URM1: variants seen among roughly 807,000 people sequenced by gnomAD.
URM1 encodes the protein ubiquitin-related modifier 1.
URM1 carries 11 observed loss-of-function variants against 17.7 expected under a neutral mutation model. That is an observed-to-expected ratio of 0.62 (90% CI 0.39 to 1.03). The LOEUF (loss-of-function observed/expected upper bound fraction) is 1.03. Ranked by LOEUF, URM1 falls within the 50% of genes least tolerant of loss-of-function variation. The pLI, the probability that URM1 is intolerant of heterozygous loss-of-function variation, is 0.00. For synonymous variants in URM1, 48 were observed against 50.6 expected, an observed-to-expected ratio of 0.95 and a Z score of 0.22; for missense variants, 128 against 129.2, an observed-to-expected ratio of 0.99 and a Z score of 0.04.
intron 1 of URM1, among the ~76,000 whole-genome samples, chr9:128,373,313 G>T (rs1833036672): frequency 6.6e-6 from 1 of 152,082 alleles, no homozygotes; most frequent in Non-Finnish European, 1.5e-5. Context: ...GTTGATGCAC[G>T]TTTTTGCCCT....
At chr9:128,386,222 T>C (rs1350348522) in intron 2 of URM1, among the ~76,000 whole-genome samples, 1 of 151,984 alleles carries the variant, frequency 6.6e-6, no homozygotes, top group Non-Finnish European at 1.5e-5. Flanking sequence ...CCCCGGTGGC[T>C]CTATCGAGCA....
At chr9:128,378,219 T>C in intron 2 of URM1, 113 bp downstream of exon 2, 1 of 721,654 alleles carries the variant, frequency 1.4e-6, no homozygotes, top group South Asian at 2.0e-5. Flanking sequence ...CTAAGCTGCC[T>C]CTCTAGCAGG....
At chr9:128,386,567 C>T (rs985696421) in intron 2 of URM1, among the ~76,000 whole-genome samples, 1 of 152,260 alleles carries the variant, frequency 6.6e-6, no homozygotes, top group Non-Finnish European at 1.5e-5. Context: ...GGCTGCAGGC[C>T]TGTCAGAGCG....
chr9:128,376,616 G>T (rs577457840), intron 1 of URM1, among the ~76,000 whole-genome samples: 2 of 147,276 alleles, frequency 1.4e-5, no homozygotes, highest in East Asian at 4.1e-4. Context: ...AGCCAAGATC[G>T]CACTACTGCA....
chr9:128,386,517 C>T (rs1833229632), intron 2 of URM1, among the ~76,000 whole-genome samples: 1 of 152,246 alleles, frequency 6.6e-6, no homozygotes, highest in African/African-American at 2.4e-5. Context: ...TGCTGGCGTA[C>T]GATCCAGGCA....
chr9:128,371,489 G>A (rs1196457836), intron 1 of URM1, 74 bp downstream of exon 1: 20 of 1,514,328 alleles, frequency 1.3e-5, no homozygotes, highest in African/African-American at 2.8e-5. Context: ...CTTCTGCCGT[G>A]GGGCCTGACA....
intron 1 of URM1, among the ~76,000 whole-genome samples, chr9:128,376,059 T>A (rs1833072434): frequency 6.6e-6 from 1 of 151,922 alleles, no homozygotes; most frequent in African/African-American, 2.4e-5. Context: ...GTACTTGATT[T>A]TTTTTTTTTC....
At chr9:128,386,217 G>C (rs1833225763) in intron 2 of URM1, among the ~76,000 whole-genome samples, 1 of 152,176 alleles carries the variant, frequency 6.6e-6, no homozygotes, top group Non-Finnish European at 1.5e-5. Context: ...TCAGACCCCG[G>C]TGGCTCTATC....
intron 2 of URM1, among the ~76,000 whole-genome samples, chr9:128,385,827 G>A (rs1467148818): frequency 6.6e-6 from 1 of 151,916 alleles, no homozygotes; most frequent in Non-Finnish European, 1.5e-5. Flanking sequence ...TGGCGATGCG[G>A]TAGCCTCACC....
At chr9:128,388,506 T>G (rs905346607) in intron 3 of URM1, 1 of 986,114 alleles carries the variant, frequency 1.0e-6, no homozygotes, top group African/African-American at 1.7e-5. Flanking sequence ...AGGTGGCCGG[T>G]GCAGTTGTGA....
intron 2 of URM1, among the ~76,000 whole-genome samples, chr9:128,381,135 T>C (rs1206884724): frequency 6.6e-6 from 1 of 152,186 alleles, no homozygotes; most frequent in Admixed American, 6.5e-5. Context: ...CAAAGTACTT[T>C]ATTCTTTCAT....
chr9:128,371,319 C>G (rs1176385097), upstream of URM1: 1 of 1,587,122 alleles, frequency 6.3e-7, no homozygotes, highest in Non-Finnish European at 8.6e-7. Flanking sequence ...CCGGAGACGC[C>G]CGGAAATTTG....
Position 128,389,821 on chromosome 9 carries a change from C to A in URM1, c.*87C>A. 6.4e-7 allele frequency: 1 copy of A among 1,563,800 alleles called. No individual in the cohort carries two copies. The highest frequency in any genetic ancestry group is 1.2e-5 in the South Asian group (1 of 86,786). ...GGGCCCTGCTTCCAGGTCTCCCTGTCCCCCTTGCCTGCCTTCTTCCCTGCT... is the reference window on the plus strand; with the variant it reads ...GGGCCCTGCTTCCAGGTCTCCCTGTACCCCTTGCCTGCCTTCTTCCCTGCT... On this transcript the variant is annotated 3_prime_UTR_variant, in exon 5 of 5. Coordinates refer to ENST00000372853, the MANE Select transcript of URM1 (RefSeq NM_030914.4).
intron 1 of URM1, among the ~76,000 whole-genome samples, chr9:128,376,375 A>T (rs1382783362): frequency 6.7e-6 from 1 of 150,032 alleles, no homozygotes; most frequent in African/African-American, 2.5e-5. Context: ...AAATAAATAA[A>T]TAGGCCAGGC....
intron 3 of URM1, chr9:128,388,534 C>T: frequency 3.0e-6 from 3 of 985,932 alleles, no homozygotes; most frequent in South Asian, 4.7e-5. Context: ...TTATTTGCCT[C>T]GAAGCATAGG....
At chr9:128,379,308 C>T (rs926550648) in intron 2 of URM1, among the ~76,000 whole-genome samples, 3 of 151,580 alleles carry the variant, frequency 2.0e-5, no homozygotes, top group Non-Finnish European at 2.9e-5. Flanking sequence ...GATGAAACCC[C>T]GTCTCTACTA....
At chr9:128,377,498 C>A (rs987936785) in intron 1 of URM1, among the ~76,000 whole-genome samples, 1 of 152,038 alleles carries the variant, frequency 6.6e-6, no homozygotes, top group Non-Finnish European at 1.5e-5. Context: ...CATGGTGAAA[C>A]CCTCTGTCTA....
intron 3 of URM1, chr9:128,388,870 A>G: frequency 2.0e-6 from 2 of 1,013,068 alleles, no homozygotes; most frequent in Non-Finnish European, 2.4e-6. Context: ...GAAAAGTCCT[A>G]CTAATGGTTA....
At chr9:128,378,805 C>T (rs897753624) in intron 2 of URM1, among the ~76,000 whole-genome samples, 1 of 150,054 alleles carries the variant, frequency 6.7e-6, no homozygotes, top group African/African-American at 2.5e-5. Flanking sequence ...AAATTAGTCA[C>T]GCATAGCGGT....
Sources: gnomAD v4.1 joint callset for allele counts (sites outside exome capture counted in the v4.1 genomes callset) on GRCh38, gnomAD v4.1.1 for gene constraint, MANE v1.5 for transcripts, NCBI Gene and HGNC (gene_info 2026-07-23, HGNC 2026-07-21) for gene names.